The following DDX10 variants were observed in gnomAD, a reference collection of about 807,000 sequenced individuals.
The protein encoded by DDX10 is DEAD-box helicase 10.
A neutral mutation model predicts 104.3 loss-of-function variants in DDX10; 74 were observed. The observed-to-expected ratio is 0.71, with a 90% CI of 0.59 to 0.86. DDX10 has a LOEUF of 0.86. DDX10 is among the 40% of genes least tolerant of loss of function. DDX10 has a pLI of 0.00. For missense variants in DDX10, 952 were observed against 1,040.0 expected, an observed-to-expected ratio of 0.92 and a Z score of 1.16; for synonymous variants, 351 against 353.4, an observed-to-expected ratio of 0.99 and a Z score of 0.08.
intron 16 of DDX10, among the ~76,000 whole-genome samples, chr11:108,869,372 C>T (rs61915170): frequency 0.012 from 1,826 of 152,062 alleles, 23 homozygotes; most frequent in Admixed American, 0.021. Flanking sequence ...CATTGTTTAA[C>T]GTTGAAATCT....
At chr11:108,761,389 G>A (rs1403666386) in intron 13 of DDX10, among the ~76,000 whole-genome samples, 11 of 152,112 alleles carry the variant, frequency 7.2e-5, no homozygotes, top group African/African-American at 2.4e-4. Flanking sequence ...CTATGAGTTC[G>A]TTTTGTGTGG....
At position 108,940,302 on chromosome 11, in the gene DDX10, T is replaced by C; in HGVS notation, c.2507T>C (p.Val836Ala). ...KKRSNSEVED[V>A]GPTSHNRKKA... ...AGGAGCAACAGTGAAGTGGAAGACG[T>C]GGGACCAACAAGTCATAACAGAAAG... The change falls in exon 18 of 18, where the codon GTG becomes GCG. Residue 836 changes from valine (V) to alanine (A), a missense_variant. Transcript: ENST00000322536. The C allele has an allele frequency of 6.2e-7, 1 of 1,614,002 alleles. No individual in the cohort carries two copies. Among genetic ancestry groups the C allele is most frequent in the Non-Finnish European group, 8.5e-7 (1 of 1,180,012 alleles).
intron 13 of DDX10, among the ~76,000 whole-genome samples, chr11:108,810,333 C>A (rs545915136): frequency 6.6e-6 from 1 of 151,994 alleles, no homozygotes; most frequent in Admixed American, 6.6e-5. Context: ...TTACAGTATT[C>A]CTTTCGAACC....
intron 4 of DDX10, 87 bp downstream of exon 4, chr11:108,677,330 C>G: frequency 8.0e-7 from 1 of 1,244,298 alleles, no homozygotes; most frequent in Non-Finnish European, 1.1e-6. Context: ...GCAGAGACTT[C>G]ATCTAAACAG....
At chr11:108,835,197 G>A (rs1244393305) in intron 13 of DDX10, among the ~76,000 whole-genome samples, 8 of 152,104 alleles carry the variant, frequency 5.3e-5, no homozygotes, top group Admixed American at 3.9e-4. Context: ...TTTTACCACC[G>A]CACAGCTTAC....
chr11:108,760,175 C>T (rs953812279), intron 13 of DDX10, among the ~76,000 whole-genome samples: 2 of 151,710 alleles, frequency 1.3e-5, no homozygotes, highest in South Asian at 2.1e-4. Flanking sequence ...ATTCCCCCCC[C>T]ACCCTTAGCA....
chr11:108,707,923 C>T (rs1321764562), intron 10 of DDX10, among the ~76,000 whole-genome samples: 2 of 152,166 alleles, frequency 1.3e-5, no homozygotes, highest in African/African-American at 4.8e-5. Flanking sequence ...CAAGCTTTGG[C>T]AGTTATTAGT....
chr11:108,872,575 T>A (rs1485467170), intron 16 of DDX10, among the ~76,000 whole-genome samples: 1 of 152,154 alleles, frequency 6.6e-6, no homozygotes. Flanking sequence ...AAAACAAACT[T>A]GTTTTAACAG....
chr11:108,669,715 G>A (rs1034133035), intron 1 of DDX10, among the ~76,000 whole-genome samples: 11 of 152,328 alleles, frequency 7.2e-5, no homozygotes, highest in Admixed American at 7.2e-4. Context: ...TTAAAGTAGG[G>A]CGATTATCCT....
intron 13 of DDX10, among the ~76,000 whole-genome samples, chr11:108,790,807 C>T (rs561178746): frequency 1.1e-4 from 16 of 152,054 alleles, no homozygotes; most frequent in African/African-American, 3.9e-4. Flanking sequence ...GTACCTCCCA[C>T]CCACACACAC....
intron 16 of DDX10, among the ~76,000 whole-genome samples, chr11:108,857,803 T>G (rs1178290474): frequency 1.3e-5 from 2 of 152,230 alleles, no homozygotes; most frequent in Non-Finnish European, 2.9e-5. Context: ...ATAGGTCATT[T>G]CCGAGGTAGT....
chr11:108,813,947 T>C (rs1260595477), intron 13 of DDX10, among the ~76,000 whole-genome samples: 1 of 152,196 alleles, frequency 6.6e-6, no homozygotes, highest in African/African-American at 2.4e-5. Context: ...TATTAGAGTG[T>C]TACTTATTAT....
At chr11:108,667,607 A>G (rs2094211677) in intron 1 of DDX10, among the ~76,000 whole-genome samples, 1 of 152,180 alleles carries the variant, frequency 6.6e-6, no homozygotes, top group East Asian at 1.9e-4. Context: ...TAAGGCCCAA[A>G]TGAGATAATG....
intron 16 of DDX10, among the ~76,000 whole-genome samples, chr11:108,855,291 T>C (rs1426958430): frequency 6.6e-6 from 1 of 152,196 alleles, no homozygotes; most frequent in African/African-American, 2.4e-5. Context: ...ATTATCTAGC[T>C]AAATTTCCTT....
chr11:108,837,630 T>TTTTTTTG (rs1862574481), intron 13 of DDX10, among the ~76,000 whole-genome samples: 1 of 127,442 alleles, frequency 7.8e-6, no homozygotes, highest in Non-Finnish European at 1.6e-5. Flanking sequence ...TTTTTTTTTT[T>TTTTTTTG]TTTTTTTTTT....
At chr11:108,807,581 G>A (rs1287113793) in intron 13 of DDX10, among the ~76,000 whole-genome samples, 3 of 152,204 alleles carry the variant, frequency 2.0e-5, no homozygotes, top group African/African-American at 4.8e-5. Flanking sequence ...ATATGTGAAT[G>A]AAAGTAGCAG....
At chr11:108,908,012 C>T (rs1008964717) in intron 16 of DDX10, among the ~76,000 whole-genome samples, 2 of 152,180 alleles carry the variant, frequency 1.3e-5, no homozygotes, top group African/African-American at 4.8e-5. Flanking sequence ...TCTTGTGTTT[C>T]CTGTTCTGCA....
intron 9 of DDX10, among the ~76,000 whole-genome samples, chr11:108,698,959 G>A: frequency 6.6e-6 from 1 of 152,118 alleles, no homozygotes; most frequent in African/African-American, 2.4e-5. Context: ...TATCCACATG[G>A]CTGTCTTCCT....
intron 13 of DDX10, among the ~76,000 whole-genome samples, chr11:108,777,354 G>C (rs912147639): frequency 6.6e-6 from 1 of 151,604 alleles, no homozygotes; most frequent in Non-Finnish European, 1.5e-5. Context: ...TTTTGAGATA[G>C]AGTCTTGCTC....
Sources: gnomAD v4.1 joint callset for allele counts (sites outside exome capture counted in the v4.1 genomes callset) on GRCh38, gnomAD v4.1.1 for gene constraint, MANE v1.5 for transcripts, NCBI Gene and HGNC (gene_info 2026-07-23, HGNC 2026-07-21) for gene names.